The following TGFBR3 variants were observed in gnomAD, a reference collection of about 807,000 sequenced individuals.
TGFBR3 encodes the protein transforming growth factor beta receptor type 3.
In TGFBR3, 46 loss-of-function variants were observed where a neutral mutation model predicts 87.9. The observed-to-expected ratio is 0.52, with a 90% confidence interval of 0.41 to 0.67. The LOEUF is 0.67. Ranked by LOEUF, TGFBR3 falls within the 30% of genes least tolerant of loss-of-function variation. TGFBR3 has a pLI of 0.00. For synonymous variants in TGFBR3, 381 were observed against 391.6 expected, an observed-to-expected ratio of 0.97 and a Z score of 0.32; for missense variants, 866 against 1,041.9, an observed-to-expected ratio of 0.83 and a Z score of 2.32.
chr1:91,694,875 C>T (rs547813891), intron 16 of TGFBR3, among the ~76,000 whole-genome samples: 1 of 152,292 alleles, frequency 6.6e-6, no homozygotes, highest in South Asian at 2.1e-4. Context: ...AAATGCATGT[C>T]ACTCCTGCCC....
At chr1:91,728,405 A>G (rs17880881) in intron 6 of TGFBR3, among the ~76,000 whole-genome samples, 1,961 of 152,318 alleles carry the variant, frequency 0.013, 37 homozygotes, top group African/African-American at 0.044. Flanking sequence ...ACTTCTGGAT[A>G]TAAGGTTATT....
intron 2 of TGFBR3, among the ~76,000 whole-genome samples, chr1:91,859,299 G>A (rs1258993933): frequency 1.3e-5 from 2 of 151,694 alleles, no homozygotes; most frequent in African/African-American, 4.8e-5. Context: ...TCTGACCCAG[G>A]CATCAATGAA....
At chr1:91,800,551 G>A (rs1287913387) in intron 2 of TGFBR3, among the ~76,000 whole-genome samples, 2 of 151,474 alleles carry the variant, frequency 1.3e-5, no homozygotes, top group African/African-American at 4.9e-5. Context: ...TTGGCTTGAC[G>A]TTTAAATACA....
chr1:91,754,019 C>T (rs1673650594), intron 4 of TGFBR3, among the ~76,000 whole-genome samples: 1 of 152,186 alleles, frequency 6.6e-6, no homozygotes, highest in Non-Finnish European at 1.5e-5. Context: ...CTTTCACAAC[C>T]CTTGTTATCG....
chr1:91,758,726 A>G lies in TGFBR3; in HGVS notation c.271T>C (p.Ser91Pro), dbSNP rs1673841565. The G allele has an allele frequency of 2.5e-6, 4 of 1,613,830 alleles. No homozygotes were observed. Residue 91 changes from serine (S) to proline (P), a missense_variant, in exon 4 of 17, where the codon TCC becomes CCC. Coordinates refer to ENST00000212355, the MANE Select transcript of TGFBR3 (RefSeq NM_003243.5). ...GACTTGTGGTGGATGTGGACTGAGG[A>G]GATGGGATTCAGGTGAAGTGTGACC... ...REVTLHLNPI[S>P]SVHIHHKSVV...
chr1:91,824,094 C>A (rs1405881134), intron 2 of TGFBR3, among the ~76,000 whole-genome samples: 2 of 152,164 alleles, frequency 1.3e-5, no homozygotes, highest in African/African-American at 2.4e-5. Flanking sequence ...TGTACCACTG[C>A]ACTCCAGCCT....
chr1:91,861,387 G>A, intron 2 of TGFBR3, 84 bp downstream of exon 2: 1 of 1,082,966 alleles, frequency 9.2e-7, no homozygotes, highest in Non-Finnish European at 1.4e-6. Flanking sequence ...GTAACAGAGT[G>A]AAACTTCATC....
intron 4 of TGFBR3, among the ~76,000 whole-genome samples, chr1:91,748,227 C>CA (rs1479225609): frequency 6.6e-6 from 1 of 152,226 alleles, no homozygotes; most frequent in African/African-American, 2.4e-5. Flanking sequence ...AAGCAGGCCA[C>CA]ACCCATTTTG....
At chr1:91,698,451 C>T (rs1671504434) in intron 14 of TGFBR3, among the ~76,000 whole-genome samples, 1 of 151,120 alleles carries the variant, frequency 6.6e-6, no homozygotes, top group African/African-American at 2.4e-5. Context: ...CAAAAAAATT[C>T]AATACCTTTA....
At chr1:91,816,818 G>A (rs1676244793) in intron 2 of TGFBR3, among the ~76,000 whole-genome samples, 1 of 152,044 alleles carries the variant, frequency 6.6e-6, no homozygotes, top group African/African-American at 2.4e-5. Flanking sequence ...TACATAAGCA[G>A]AATACAAAGT....
intron 3 of TGFBR3, among the ~76,000 whole-genome samples, chr1:91,764,792 G>C (rs1334440959): frequency 1.3e-5 from 2 of 152,186 alleles, no homozygotes; most frequent in Non-Finnish European, 2.9e-5. Flanking sequence ...CTGGCCTAAA[G>C]TGCACCACAG....
At chr1:91,894,166 CTA>C (rs113469521) in intron 2 of TGFBR3, among the ~76,000 whole-genome samples, 16 of 152,300 alleles carry the variant, frequency 1.1e-4, no homozygotes, top group African/African-American at 3.9e-4. Flanking sequence ...CCGATTTTAT[CTA>C]TGCGTCTTCT....
intron 2 of TGFBR3, among the ~76,000 whole-genome samples, chr1:91,843,324 G>T (rs1358784166): frequency 6.6e-6 from 1 of 152,124 alleles, no homozygotes; most frequent in Non-Finnish European, 1.5e-5. Context: ...TCTCTAGTTT[G>T]TCTTTTTGAG....
chr1:91,793,195 G>A (rs148308582), intron 3 of TGFBR3, among the ~76,000 whole-genome samples: 49 of 149,308 alleles, frequency 3.3e-4, no homozygotes, highest in African/African-American at 1.1e-3. Context: ...CTCTGTCACC[G>A]CCTCTACACA....
At chr1:91,768,103 T>A (rs1674245349) in intron 3 of TGFBR3, among the ~76,000 whole-genome samples, 1 of 151,318 alleles carries the variant, frequency 6.6e-6, no homozygotes, top group Non-Finnish European at 1.5e-5. Flanking sequence ...TTCCAGCTAC[T>A]CAGGAGGCTG....
chr1:91,901,151 C>T (rs1218815535), intron 1 of TGFBR3, among the ~76,000 whole-genome samples: 1 of 152,204 alleles, frequency 6.6e-6, no homozygotes, highest in Non-Finnish European at 1.5e-5. Context: ...TCCTCATCCT[C>T]ACCAACACTT....
At chr1:91,734,633 C>T (rs1017997591) in intron 5 of TGFBR3, 143 bp downstream of exon 5, 14 of 1,031,132 alleles carry the variant, frequency 1.4e-5, no homozygotes, top group Middle Eastern at 5.9e-4. Context: ...GGTGGAGAGG[C>T]CTGGGGCCAA....
upstream of TGFBR3, chr1:91,886,223 C>T (rs1261800739): frequency 1.8e-5 from 8 of 449,080 alleles, no homozygotes; most frequent in Non-Finnish European, 2.7e-5. Flanking sequence ...CAGGACGCCA[C>T]AGCAATCAGC....
intron 1 of TGFBR3, among the ~76,000 whole-genome samples, chr1:91,903,397 AAAG>A (rs1679775176): frequency 6.6e-6 from 1 of 151,224 alleles, no homozygotes; most frequent in Non-Finnish European, 1.5e-5. Flanking sequence ...CTCATAAGAG[AAAG>A]AATTTATCAT....
Sources: allele counts gnomAD v4.1 joint callset (sites outside exome capture counted in the v4.1 genomes callset), GRCh38; gene constraint gnomAD v4.1.1; transcripts MANE v1.5; gene names NCBI Gene and HGNC (gene_info 2026-07-23, HGNC 2026-07-21).